DNAH17: variants seen among roughly 807,000 people sequenced by gnomAD.
The protein encoded by DNAH17 is dynein axonemal heavy chain 17.
Under a neutral mutation model 485.6 loss-of-function variants are expected in DNAH17, and 376 were observed. The ratio of observed to expected loss-of-function variants is 0.77; its 90% CI spans 0.71 to 0.84. DNAH17 has a LOEUF of 0.84. DNAH17 is among the 40% of genes least tolerant of loss of function. DNAH17 has a pLI of 0.00. For missense variants in DNAH17, 6,370 were observed against 5,839.3 expected (o/e 1.09, Z -2.96); for synonymous variants, 3,031 against 2,405.9 (o/e 1.26, Z -7.60).
intron 63 of DNAH17, 86 bp from the exon 64 acceptor site, chr17:78,454,791 G>C (rs1252941642): frequency 8.2e-7 from 1 of 1,219,928 alleles, no homozygotes; most frequent in Non-Finnish European, 1.2e-6. Context: ...TGCTCTGTCT[G>C]GTGCTGCGGT....
chr17:78,529,265 C>T (rs569216204), intron 22 of DNAH17, among the ~76,000 whole-genome samples: 1 of 152,308 alleles, frequency 6.6e-6, no homozygotes, highest in African/African-American at 2.4e-5. Flanking sequence ...GGAGGGAGCA[C>T]TGGCCTCACC....
intron 75 of DNAH17, among the ~76,000 whole-genome samples, chr17:78,433,177 G>T (rs570277785): frequency 1.3e-5 from 2 of 152,216 alleles, no homozygotes; most frequent in Non-Finnish European, 2.9e-5. Context: ...CTGGGCGAGG[G>T]GCTCCTGGGC....
intron 54 of DNAH17, among the ~76,000 whole-genome samples, chr17:78,471,931 T>G (rs2088771133): frequency 6.6e-6 from 1 of 152,132 alleles, no homozygotes; most frequent in Admixed American, 6.5e-5. Context: ...GTATCTCATC[T>G]CCTCCGGGCC....
intron 2 of DNAH17, among the ~76,000 whole-genome samples, chr17:78,574,093 C>G (rs1036818855): frequency 1.3e-5 from 2 of 152,180 alleles, no homozygotes; most frequent in African/African-American, 2.4e-5. Context: ...GCAACCGTAC[C>G]CGGCACAGCA....
In DNAH17 at chr17:78,485,558, A is replaced by T; in HGVS notation, c.7475T>A (p.Met2492Lys). Residue 2492 changes from methionine (M) to lysine (K), a missense_variant, in exon 47 of 81, where the codon ATG (methionine) becomes AAG (lysine). By Grantham distance (95) the Met-to-Lys change is moderately conservative (BLOSUM62 -1). Transcript: ENST00000389840. ...GGCCGGACCAGCCTCACCCTGCAGC[A>T]TGGCTGAGGTCGTGTAGAAGTTGAA... ...VPFNFYTTSA[M>K]LQGVLEKPLE... 1 of 1,609,582 alleles carries T rather than the reference A, an allele frequency of 6.2e-7. No homozygotes were observed. Among genetic ancestry groups the T allele is most frequent in the Non-Finnish European group, 8.5e-7 (1 of 1,178,180 alleles).
chr17:78,487,990 C>G (rs545337666), intron 44 of DNAH17, among the ~76,000 whole-genome samples: 1 of 152,340 alleles, frequency 6.6e-6, no homozygotes, highest in Admixed American at 6.5e-5. Flanking sequence ...AGGGTGTCTC[C>G]ATGCCTGTCG....
chr17:78,433,521 C>T (rs953963752), intron 75 of DNAH17, among the ~76,000 whole-genome samples: 7 of 152,214 alleles, frequency 4.6e-5, no homozygotes, highest in African/African-American at 1.4e-4. Context: ...TATGCATTCT[C>T]ATAATGGACA....
chr17:78,495,189 C>T (rs1001966649), intron 38 of DNAH17, 92 bp from the exon 39 acceptor site: 44 of 1,434,026 alleles, frequency 3.1e-5, no homozygotes, highest in Middle Eastern at 2.5e-4. Flanking sequence ...GAGCACACCT[C>T]GACTGCCAGG....
intron 20 of DNAH17, 142 bp downstream of exon 20, chr17:78,532,340 G>C: frequency 8.4e-7 from 1 of 1,185,014 alleles, no homozygotes; most frequent in South Asian, 1.6e-5. Flanking sequence ...CTTTCTAATG[G>C]TGGTCACCTC....
At chr17:78,505,249 C>A (rs1277994876) in intron 31 of DNAH17, 44 bp downstream of exon 31, 2 of 1,610,618 alleles carry the variant, frequency 1.2e-6, no homozygotes, top group Admixed American at 3.3e-5. Context: ...ACGCGTGCTG[C>A]ACCCTTGTCC....
rs772746900 is a variant in DNAH17 at position 78,552,825 on chromosome 17, G to A, written c.2179-20C>T. 2 of 1,562,838 alleles carry A rather than the reference G, an allele frequency of 1.3e-6. No homozygotes were observed. Among genetic ancestry groups the A allele is most frequent in the Admixed American group, 3.3e-5 (2 of 59,868 alleles). The stretch of plus-strand genomic sequence containing the variant: ...CTTTATCTGAAAAACAGAGGTGACA[G>A]GTTTTGTTCCGAGTCCAACCAGATT... On this transcript the variant is annotated intron_variant, in intron 14 of 80. Coordinates refer to ENST00000389840, the MANE Select transcript of DNAH17 (RefSeq NM_173628.4).
chr17:78,427,149 G>GC (rs2086504024), intron 77 of DNAH17, 41 bp from the exon 78 acceptor site: 2 of 1,549,286 alleles, frequency 1.3e-6, no homozygotes, highest in Non-Finnish European at 8.7e-7. Flanking sequence ...ACTGCAAAGA[G>GC]CCCACCCCAC....
intron 17 of DNAH17, among the ~76,000 whole-genome samples, chr17:78,542,987 G>A (rs961274745): frequency 2.0e-5 from 3 of 152,218 alleles, no homozygotes; most frequent in Admixed American, 6.5e-5. Context: ...TACCCACATT[G>A]TGCTGGGCGA....
At chr17:78,448,603 AGGGGCTGTACTAT>A (rs2087413459) in intron 69 of DNAH17, among the ~76,000 whole-genome samples, 1 of 152,224 alleles carries the variant, frequency 6.6e-6, no homozygotes, top group African/African-American at 2.4e-5. Flanking sequence ...GAAATTGCAG[AGGGGCTGTACTAT>A]GGTTTGAATG....
intron 62 of DNAH17, among the ~76,000 whole-genome samples, chr17:78,457,116 A>C (rs1191369162): frequency 6.6e-6 from 1 of 152,220 alleles, no homozygotes; most frequent in African/African-American, 2.4e-5. Flanking sequence ...CACGCCTGTA[A>C]TCCCAGCACT....
Position 78,570,317 on chromosome 17 carries a change from G to A in DNAH17, c.974C>T (p.Ser325Phe). Residue 325 changes from serine to phenylalanine, a missense_variant, in exon 7 of 81, where the codon TCT (serine) becomes TTT (phenylalanine). Transcript: ENST00000389840. Reference protein sequence around the residue: ...LDTICFIWATSEYYNTPARII... With the variant: ...LDTICFIWATFEYYNTPARII... ...CCTGGCAGGTGTGTTATAGTACTCA[G>A]AGGTGGCCCAGATGAAGCAGATGGT... 1 of 1,607,318 alleles carries A rather than the reference G, an allele frequency of 6.2e-7. No individual in the cohort carries two copies. Among genetic ancestry groups the A allele is most frequent in the Non-Finnish European group, 8.5e-7 (1 of 1,177,292 alleles).
chr17:78,494,208 G>T, intron 40 of DNAH17, 35 bp from the exon 41 acceptor site: 1 of 1,588,528 alleles, frequency 6.3e-7, no homozygotes, highest in South Asian at 1.1e-5. Flanking sequence ...GTGAGGAACT[G>T]AAGCAGCTTT....
chr17:78,574,115 A>G (rs371197816), intron 2 of DNAH17, among the ~76,000 whole-genome samples: 14 of 152,306 alleles, frequency 9.2e-5, no homozygotes, highest in African/African-American at 3.1e-4. Context: ...GGCAGTCTCA[A>G]TGCTGTCCAG....
chr17:78,554,884 C>T (rs747852518), intron 14 of DNAH17, among the ~76,000 whole-genome samples: 2 of 152,140 alleles, frequency 1.3e-5, no homozygotes, highest in Admixed American at 1.3e-4. Context: ...GTAGCTGGAA[C>T]TACAGGCGCC....
Sources: gnomAD v4.1 joint callset for allele counts (sites outside exome capture counted in the v4.1 genomes callset) on GRCh38, gnomAD v4.1.1 for gene constraint, MANE v1.5 for transcripts, NCBI Gene and HGNC (gene_info 2026-07-23, HGNC 2026-07-21) for gene names.